The following KIAA1217 variants were observed in gnomAD, a reference collection of about 807,000 sequenced individuals.
KIAA1217 encodes the protein sickle tail protein homolog.
KIAA1217 carries 88 observed loss-of-function variants against 163.9 expected under a neutral mutation model. The ratio of observed to expected loss-of-function variants is 0.54; its 90% CI spans 0.45 to 0.64. The LOEUF is 0.64. Among genes scored for constraint, KIAA1217 ranks in the 30% least tolerant of loss-of-function variants. KIAA1217 has a pLI of 0.00. For synonymous variants in KIAA1217, 903 were observed against 923.1 expected, an observed-to-expected ratio of 0.98 and a Z score of 0.39; for missense variants, 2,372 against 2,475.0, an observed-to-expected ratio of 0.96 and a Z score of 0.88.
At chr10:23,785,560 A>G (rs1835456641) in intron 1 of KIAA1217, among the ~76,000 whole-genome samples, 1 of 152,206 alleles carries the variant, frequency 6.6e-6, no homozygotes, top group Admixed American at 6.5e-5. Context: ...ACATGTATAC[A>G]TGCACACATA....
At chr10:24,332,325 C>T (rs1332009249) in intron 2 of KIAA1217, among the ~76,000 whole-genome samples, 1 of 152,034 alleles carries the variant, frequency 6.6e-6, no homozygotes, top group Non-Finnish European at 1.5e-5. Context: ...GAACACCCAG[C>T]GTAGAGAGAA....
At chr10:23,784,763 T>C (rs1835414764) in intron 1 of KIAA1217, among the ~76,000 whole-genome samples, 1 of 152,226 alleles carries the variant, frequency 6.6e-6, no homozygotes, top group South Asian at 2.1e-4. Context: ...ATTTTAATTT[T>C]ACAATGTCAC....
chr10:23,929,005 C>T (rs1358209809), intron 1 of KIAA1217, among the ~76,000 whole-genome samples: 1 of 152,114 alleles, frequency 6.6e-6, no homozygotes, highest in Non-Finnish European at 1.5e-5. Flanking sequence ...CGTACACAAG[C>T]TTGGCATGAT....
At chr10:24,225,049 T>C (rs2070318087) in intron 2 of KIAA1217, among the ~76,000 whole-genome samples, 1 of 152,116 alleles carries the variant, frequency 6.6e-6, no homozygotes, top group Admixed American at 6.6e-5. Flanking sequence ...ATGGTCTCGA[T>C]CTCCTGACAT....
intron 1 of KIAA1217, among the ~76,000 whole-genome samples, chr10:23,907,864 A>G (rs1842236177): frequency 1.3e-5 from 2 of 152,224 alleles, no homozygotes; most frequent in South Asian, 2.1e-4. Flanking sequence ...GGCTTCCCCT[A>G]TGGGGAAAAA....
intron 1 of KIAA1217, among the ~76,000 whole-genome samples, chr10:23,723,668 T>C (rs889455122): frequency 1.3e-5 from 2 of 152,202 alleles, no homozygotes; most frequent in African/African-American, 4.8e-5. Context: ...TTTATGTTTT[T>C]CAAAGCTATT....
At chr10:24,145,295 G>T (rs895017428) in intron 2 of KIAA1217, among the ~76,000 whole-genome samples, 17 of 152,274 alleles carry the variant, frequency 1.1e-4, no homozygotes, top group Admixed American at 5.2e-4. Flanking sequence ...GTTCCTTATT[G>T]TCTGTTTCAC....
chr10:24,471,716 C>T (rs1056397372), intron 5 of KIAA1217, among the ~76,000 whole-genome samples: 10 of 151,972 alleles, frequency 6.6e-5, no homozygotes, highest in African/African-American at 2.4e-4. Flanking sequence ...AACCCCGTCT[C>T]TACTAAAAAT....
chr10:23,901,404 A>G (rs1393495272), intron 1 of KIAA1217, among the ~76,000 whole-genome samples: 1 of 152,116 alleles, frequency 6.6e-6, no homozygotes, highest in East Asian at 1.9e-4. Flanking sequence ...AATCTTAGAC[A>G]TTGTTCCTCA....
chr10:23,882,689 A>C (rs1841002977), intron 1 of KIAA1217, among the ~76,000 whole-genome samples: 1 of 151,948 alleles, frequency 6.6e-6, no homozygotes, highest in South Asian at 2.1e-4. Context: ...CAAATGGTCC[A>C]TCTTCTGGGA....
chr10:23,812,498 A>G (rs1837114984), intron 1 of KIAA1217, among the ~76,000 whole-genome samples: 1 of 151,452 alleles, frequency 6.6e-6, no homozygotes, highest in Non-Finnish European at 1.5e-5. Flanking sequence ...CTTTTTTTTT[A>G]TTTAAAAAAG....
chr10:24,494,586 A>G lies in KIAA1217; in HGVS notation c.1766A>G (p.Tyr589Cys). Residue 589 changes from tyrosine (Y) to cysteine (C), a missense_variant, in exon 7 of 21, where the codon TAT becomes TGT. By Grantham distance (194) the Tyr-to-Cys change is radical. This residue lies in a region of KIAA1217 where 1,431 missense variants were observed against 1,470.3 expected (regional missense o/e 0.97). Coordinates refer to ENST00000376454, the MANE Select transcript of KIAA1217 (RefSeq NM_019590.5). The stretch of plus-strand genomic sequence containing the variant: ...CTTTTTAAAGGGCCCATTACAAGTT[A>G]TAGCAAAGATGCGTCTAGGTAAAAA... ...SALFKGPITS[Y>C]SKDASSEKMM... 6.2e-7 allele frequency: 1 copy of G among 1,611,042 alleles called. No homozygotes were observed. Among genetic ancestry groups the G allele is most frequent in the Non-Finnish European group, 8.5e-7 (1 of 1,177,674 alleles).
chr10:24,103,148 A>G (rs1484572800), intron 2 of KIAA1217, among the ~76,000 whole-genome samples: 1 of 152,222 alleles, frequency 6.6e-6, no homozygotes, highest in Non-Finnish European at 1.5e-5. Context: ...GTGTGAGAAC[A>G]GACTCATACA....
intron 6 of KIAA1217, among the ~76,000 whole-genome samples, chr10:24,484,680 GCCTC>G (rs1191299711): frequency 6.6e-6 from 1 of 152,100 alleles, no homozygotes; most frequent in East Asian, 1.9e-4. Flanking sequence ...CCCCACCTCA[GCCTC>G]CCAAAATTTG....
chr10:24,478,144 G>T (rs2064245903), intron 6 of KIAA1217, among the ~76,000 whole-genome samples: 1 of 152,190 alleles, frequency 6.6e-6, no homozygotes, highest in African/African-American at 2.4e-5. Flanking sequence ...ATGCTGTTCT[G>T]AAGAGCACTT....
chr10:24,225,821 C>T (rs2130971503), intron 2 of KIAA1217, among the ~76,000 whole-genome samples: 1 of 152,338 alleles, frequency 6.6e-6, no homozygotes. Flanking sequence ...GAATAATCTT[C>T]TGGAGGTAGA....
chr10:24,177,070 C>T (rs549627666), intron 2 of KIAA1217, among the ~76,000 whole-genome samples: 5 of 151,498 alleles, frequency 3.3e-5, no homozygotes, highest in South Asian at 4.2e-4. Context: ...GATTCCCGCC[C>T]GTGCCTCTCC....
intron 5 of KIAA1217, among the ~76,000 whole-genome samples, chr10:24,458,966 GGTCA>G (rs2062072697): frequency 6.6e-6 from 1 of 152,124 alleles, no homozygotes; most frequent in Admixed American, 6.5e-5. Flanking sequence ...TGAACCAGCA[GGTCA>G]GTATCACCTG....
At position 24,544,985 on chromosome 10, in the gene KIAA1217, C is replaced by T; in HGVS notation, c.5216C>T (p.Ser1739Phe). 1.9e-6 allele frequency: 3 copies of T among 1,614,018 alleles called. No homozygotes were observed. The highest frequency in any genetic ancestry group is 2.5e-6 in the Non-Finnish European group (3 of 1,179,954). ...TSIPSASRKG[S>F]SGAPQTSRMP... The stretch of plus-strand genomic sequence containing the variant: ...TCTCACTGGTCCTTCCCACAGGGCT[C>T]CAGCGGGGCCCCACAGACGAGCAGG... Residue 1739 changes from serine (S) to phenylalanine (F), a missense_variant, in exon 20 of 21, where the codon TCC becomes TTC. This residue lies in a region of KIAA1217 where 690 missense variants were observed against 677.5 expected (regional missense o/e 1.02). Transcript: ENST00000376454.
Sources: allele counts gnomAD v4.1 joint callset (sites outside exome capture counted in the v4.1 genomes callset), GRCh38; gene constraint gnomAD v4.1.1; regional missense constraint gnomAD v4.1.1; transcripts MANE v1.5; gene names NCBI Gene and HGNC (gene_info 2026-07-23, HGNC 2026-07-21).